DISP2: variants seen among roughly 807,000 people sequenced by gnomAD.
DISP2 encodes the protein protein dispatched homolog 2.
DISP2 carries 59 observed loss-of-function variants against 95.5 expected under a neutral mutation model. The observed-to-expected ratio is 0.62, with a 90% CI of 0.50 to 0.77. The LOEUF is 0.77. Ranked by LOEUF, DISP2 falls within the 30% of genes least tolerant of loss-of-function variation. The pLI is 0.00. For synonymous variants in DISP2, 827 were observed against 815.0 expected, an observed-to-expected ratio of 1.01 and a Z score of -0.25; for missense variants, 1,752 against 1,854.6, an observed-to-expected ratio of 0.94 and a Z score of 1.02.
intron 1 of DISP2, 133 bp from the exon 2 acceptor site, chr15:40,363,492 C>G: frequency 1.5e-6 from 1 of 668,436 alleles, no homozygotes; most frequent in Non-Finnish European, 2.4e-6. Context: ...CCTCTCACTT[C>G]TCCCCCAGGA....
Position 40,369,747 on chromosome 15 carries a change from C to T in DISP2, c.3635C>T (p.Ala1212Val). ...TGTTCCCGGCCCCCACCAGCCCCTG[C>T]CTCCCCAAGGGAGCTGCTGCTGGAC... ...PCCSRPPPAP[A>V]SPRELLLDHQ... The change falls in exon 8 of 8, where the codon GCC becomes GTC. Residue 1212 changes from alanine (A) to valine (V), a missense_variant. Ala to Val is a moderately conservative substitution (Grantham distance 64). Coordinates refer to ENST00000267889, the MANE Select transcript of DISP2 (RefSeq NM_033510.3). 2 of 1,609,106 alleles carry T rather than the reference C, an allele frequency of 1.2e-6. No homozygotes were observed. Among genetic ancestry groups the T allele is most frequent in the Non-Finnish European group, 8.5e-7 (1 of 1,179,058 alleles).
At chr15:40,364,126 G>GT in intron 2 of DISP2, 100 bp from the exon 3 acceptor site, 1 of 1,561,108 alleles carries the variant, frequency 6.4e-7, no homozygotes, top group Non-Finnish European at 8.8e-7. Context: ...AATACCATGG[G>GT]TTATCCCTCA....
rs747847428 is a variant in DISP2 at position 40,369,834 on chromosome 15, G to T, written c.3722G>T (p.Gly1241Val). The part of the protein sequence containing the change: ...LQTSSPYKQA[G>V]PSPKTRARQD... ...ACCTCCTCCCCCTATAAGCAGGCTG[G>T]CCCCAGCCCCAAAACCCGGGCCAGG... The change falls in exon 8 of 8, where the codon GGC becomes GTC. Residue 1241 changes from glycine (G) to valine (V), a missense_variant. Gly to Val is a moderately radical substitution (Grantham distance 109). This residue lies in a region of DISP2 where 347 missense variants were observed against 344.2 expected (regional missense o/e 1.01). Coordinates refer to ENST00000267889, the MANE Select transcript of DISP2 (RefSeq NM_033510.3). 2.2e-5 allele frequency: 34 copies of T among 1,577,090 alleles called. No individual in the cohort carries two copies. In the East Asian group the frequency reaches 7.7e-4, roughly 36 times the overall value.
rs377027513 is a variant in DISP2, at chr15:40,361,400, C to T, written c.120-2225C>T. Among the ~76,000 whole-genome samples the T allele has an allele frequency of 4.6e-5, 7 of 152,224 alleles. No individual in the cohort carries two copies. In the East Asian group the frequency reaches 5.8e-4, roughly 13 times the overall value. ...CCGTGGGAAGGGGCAGGAAAGCAAA[C>T]GTGTCTTCCACGTGACAGACCCTGT... On this transcript the variant is annotated intron_variant, in intron 1 of 7. Transcript: ENST00000267889.
At chr15:40,366,417 G>A (rs906320070) in intron 7 of DISP2, among the ~76,000 whole-genome samples, 1 of 152,220 alleles carries the variant, frequency 6.6e-6, no homozygotes, top group Non-Finnish European at 1.5e-5. Flanking sequence ...ATAATGACTG[G>A]CAATAGTAAT....
Position 40,369,288 on chromosome 15 carries a change from C to T in DISP2, c.3176C>T (p.Thr1059Ile), listed in dbSNP as rs1242973821. The change falls in exon 8 of 8, where the codon ACC becomes ATC. Residue 1059 changes from threonine to isoleucine, a missense_variant. Physicochemically the swap from Thr to Ile is moderately conservative, Grantham distance 89 (BLOSUM62 -1). Coordinates refer to ENST00000267889, the MANE Select transcript of DISP2 (RefSeq NM_033510.3). ...CGTGTGGCCTTCTCTCTGCGCCAGA[C>T]CAGCTGCGCCACAGCCGTGGGGGCT... ...LSRVAFSLRQ[T>I]SCATAVGAAA... The T allele has an allele frequency of 3.1e-6, 5 of 1,613,600 alleles. No individual in the cohort carries two copies. Among genetic ancestry groups the T allele is most frequent in the Non-Finnish European group, 4.2e-6 (5 of 1,180,050 alleles).
In DISP2 at chr15:40,358,357, C is replaced by A; in HGVS notation, c.36C>A (p.Ser12Arg). The A allele has an allele frequency of 7.2e-7, 1 of 1,384,254 alleles. No homozygotes were observed. The highest frequency in any genetic ancestry group is 9.4e-7 in the Non-Finnish European group (1 of 1,067,296). The allele number at this position is 1,384,254 out of a possible 1,614,324, so 85.7% of individuals were successfully genotyped here. The change falls in exon 1 of 8, where the codon AGC (serine) becomes AGA (arginine). Residue 12 changes from serine to arginine, a missense_variant. By Grantham distance (110) the Ser-to-Arg change is moderately radical. Around this residue, in one of 5 missense-constraint regions of DISP2, gnomAD observed 342 missense variants for 364.3 expected, o/e 0.94. Coordinates refer to ENST00000267889, the MANE Select transcript of DISP2 (RefSeq NM_033510.3). ...ACAGCAGCAGCAGCAGCGGCGGCAGCGGTCCGGCTCCCGGCCCGGGTCCGG... is the reference window on the plus strand; with the variant it reads ...ACAGCAGCAGCAGCAGCGGCGGCAGAGGTCCGGCTCCCGGCCCGGGTCCGG... Reference protein sequence around the residue: ...DGDSSSSSGGSGPAPGPGPEG... With the variant: ...DGDSSSSSGGRGPAPGPGPEG...
Position 40,369,164 on chromosome 15 carries a change from G to A in DISP2, c.3052G>A (p.Glu1018Lys). The stretch of plus-strand genomic sequence containing the variant: ...CCTCGAGTGGCAGCTCAACACTGCC[G>A]AGGCCCTGTTTCTCTCTGCCTCAGT... ...VLLEWQLNTA[E>K]ALFLSASVGL... Residue 1018 changes from glutamate to lysine, a missense_variant, in exon 8 of 8, where the codon GAG becomes AAG. Around this residue, in one of 5 missense-constraint regions of DISP2, gnomAD observed 317 missense variants for 394.9 expected, o/e 0.80. Coordinates refer to ENST00000267889, the MANE Select transcript of DISP2 (RefSeq NM_033510.3). 5 of 1,613,840 alleles carry A rather than the reference G, an allele frequency of 3.1e-6. No individual in the cohort carries two copies. Among genetic ancestry groups the A allele is most frequent in the East Asian group, 2.2e-5 (1 of 44,880 alleles).
intron 1 of DISP2, among the ~76,000 whole-genome samples, chr15:40,361,475 AG>A (rs1263236909): frequency 3.3e-5 from 5 of 152,212 alleles, no homozygotes; most frequent in African/African-American, 1.2e-4. Context: ...ACCAAACCCA[AG>A]AGGTGGGCAT....
At chr15:40,364,665 T>C in intron 4 of DISP2, 121 bp downstream of exon 4, 1 of 1,490,970 alleles carries the variant, frequency 6.7e-7, no homozygotes, top group Non-Finnish European at 9.0e-7. Context: ...TGGTAGGCTC[T>C]TGACCTCCAG....
chr15:40,365,721 A>C lies in DISP2; in HGVS notation c.941A>C (p.Asp314Ala), dbSNP rs1229567551. 1 of 1,613,918 alleles carries C rather than the reference A, an allele frequency of 6.2e-7. No homozygotes were observed. The highest frequency in any genetic ancestry group is 8.5e-7 in the Non-Finnish European group (1 of 1,179,996). ...AIHSMCRMEQ[D>A]QIRSHTSFGA... ...CATTCCATGTGTCGCATGGAACAGGACCAGGTGAGCTGGTGGGGGAGGTGC... is the reference window on the plus strand; with the variant it reads ...CATTCCATGTGTCGCATGGAACAGGCCCAGGTGAGCTGGTGGGGGAGGTGC... Residue 314 changes from aspartate to alanine, a missense_variant, in exon 7 of 8, where the codon GAC becomes GCC. Asp to Ala is a moderately radical substitution (Grantham distance 126, BLOSUM62 -2). Transcript: ENST00000267889.
Position 40,364,265 on chromosome 15 carries a change from G to T in DISP2, c.479+10G>T. ...TCCAGATGCCAAAGAGGTAGGCCTG[G>T]GCCTTCCCTGGACCTCTAGGGGTGA... On this transcript the variant is annotated intron_variant, in intron 3 of 7. Coordinates refer to ENST00000267889, the MANE Select transcript of DISP2 (RefSeq NM_033510.3). 1 of 1,614,126 alleles carries T rather than the reference G, an allele frequency of 6.2e-7. No homozygotes were observed. Among genetic ancestry groups the T allele is most frequent in the Middle Eastern group, 1.6e-4 (1 of 6,062 alleles).
In DISP2 at chr15:40,358,254, A is replaced by ACCGCCGCCACCG. The variant is rs1555399521; in HGVS notation, c.-60_-59insACCGCCGCCGCC. The ACCGCCGCCACCG allele has an allele frequency of 4.8e-6, 5 of 1,031,868 alleles. No individual in the cohort carries two copies. The highest frequency in any genetic ancestry group is 3.6e-6 in the Non-Finnish European group (3 of 834,720). The allele number at this position is 1,031,868 out of a possible 1,614,324, so 63.9% of individuals were successfully genotyped here. On this transcript the variant is annotated 5_prime_UTR_variant, in exon 1 of 8. Coordinates refer to ENST00000267889, the MANE Select transcript of DISP2 (RefSeq NM_033510.3). ...GCACCCCGCCGCCGCTGCCGCCGCC[A>ACCGCCGCCACCG]CCGCCGCCGCCGCCGCCGCCGCCGC...
intron 5 of DISP2, 57 bp downstream of exon 5, chr15:40,365,010 G>GA: frequency 6.2e-7 from 1 of 1,605,464 alleles, no homozygotes; most frequent in Admixed American, 1.7e-5. Flanking sequence ...AGATCTTCAG[G>GA]AAGGGGACAT....
chr15:40,378,607 A>G lies in DISP2; in HGVS notation c.*8289A>G, dbSNP rs1391097041. 1 of 152,222 alleles carries G rather than the reference A, an allele frequency of 6.6e-6. No individual in the cohort carries two copies. Among genetic ancestry groups the G allele is most frequent in the East Asian group, 1.9e-4 (1 of 5,202 alleles). The allele number at this position is 152,222 out of a possible 1,614,324, so 9.4% of individuals were successfully genotyped here. ...CTATCATTGTAACTTCCTGTCAATT[A>G]TAACGATTCCAAAATAAAGAATTTA... On this transcript the variant is annotated 3_prime_UTR_variant, in exon 8 of 8. Transcript: ENST00000267889.
In DISP2 at chr15:40,368,291, C is replaced by G; in HGVS notation, c.2179C>G (p.Leu727Val). ...CTACATCGCCGGAGTCAGCCCCCGC[C>G]TGCGGCTGCCCACGCTGCCGCCGCC... ...GAYIAGVSPR[L>V]RLPTLPPPGG... Residue 727 changes from leucine to valine, a missense_variant, in exon 8 of 8, where the codon CTG becomes GTG. Coordinates refer to ENST00000267889, the MANE Select transcript of DISP2 (RefSeq NM_033510.3). The G allele has an allele frequency of 1.2e-6, 2 of 1,606,652 alleles. No individual in the cohort carries two copies. The highest frequency in any genetic ancestry group is 1.7e-6 in the Non-Finnish European group (2 of 1,177,494).
rs1305113624 is a variant in DISP2 at position 40,363,722 on chromosome 15, C to G, written c.217C>G (p.Pro73Ala). The G allele has an allele frequency of 1.9e-6, 3 of 1,613,096 alleles. No homozygotes were observed. The highest frequency in any genetic ancestry group is 2.7e-5 in the African/African-American group (2 of 74,936). ...LEDPSSSSGP[P>A]PTTSTLQPVG... Reference sequence around the variant, plus strand: ...GGACCCTTCCAGCTCTTCAGGACCCCCACCAACAACTTCCACCCTCCAGCC... The same window carrying G: ...GGACCCTTCCAGCTCTTCAGGACCCGCACCAACAACTTCCACCCTCCAGCC... Residue 73 changes from proline (P) to alanine (A), a missense_variant, in exon 2 of 8, where the codon CCA becomes GCA. Pro to Ala is a conservative substitution (Grantham distance 27). This residue lies in a region of DISP2 where 342 missense variants were observed against 364.3 expected (regional missense o/e 0.94). Coordinates refer to ENST00000267889, the MANE Select transcript of DISP2 (RefSeq NM_033510.3).
Position 40,365,280 on chromosome 15 carries a change from C to G in DISP2, c.847+6C>G. 1.2e-6 allele frequency: 2 copies of G among 1,613,402 alleles called. No individual in the cohort carries two copies. Among genetic ancestry groups the G allele is most frequent in the Non-Finnish European group, 1.7e-6 (2 of 1,179,896 alleles). ...CTTCTTCTGTGGCCCCCCTGGTAAG[C>G]TGCAGCCTGGCCAGTTCCTGGTTTT... On this transcript the variant is annotated splice_donor_region_variant and intron_variant, in intron 6 of 7. Transcript: ENST00000267889.
chr15:40,365,462 A>G (rs953441752), intron 6 of DISP2, among the ~76,000 whole-genome samples, 166 bp from the exon 7 acceptor site: 4 of 152,214 alleles, frequency 2.6e-5, no homozygotes, highest in Admixed American at 6.5e-5. Flanking sequence ...GACAGGGTCA[A>G]GCTGGGTTGG....
Sources: gnomAD v4.1 joint callset for allele counts (sites outside exome capture counted in the v4.1 genomes callset) on GRCh38, gnomAD v4.1.1 for gene constraint, gnomAD v4.1.1 regional missense constraint, MANE v1.5 for transcripts, NCBI Gene and HGNC (gene_info 2026-07-23, HGNC 2026-07-21) for gene names.